SDK1: variants seen among roughly 807,000 people sequenced by gnomAD.
The protein encoded by SDK1 is sidekick cell adhesion molecule 1, also known as protein sidekick-1.
In SDK1, 157 loss-of-function variants were observed where a neutral mutation model predicts 245.5. The observed-to-expected ratio is 0.64, with a 90% CI of 0.56 to 0.73. The LOEUF (loss-of-function observed/expected upper bound fraction) is 0.73, where lower values mean the gene tolerates loss of function less well. Among genes scored for constraint, SDK1 ranks in the 30% least tolerant of loss-of-function variants. The probability of loss-of-function intolerance (pLI) is 0.00; values close to 1 mark genes in which losing one functional copy is unlikely to be tolerated. For synonymous variants in SDK1, 1,647 were observed against 1,278.5 expected (o/e 1.29, Z -6.15); for missense variants, 3,583 against 3,002.3 (o/e 1.19, Z -4.52).
chr7:3,505,587 T>C (rs1286869598), intron 1 of SDK1, among the ~76,000 whole-genome samples: 1 of 152,206 alleles, frequency 6.6e-6, no homozygotes. Flanking sequence ...ACATAAAATA[T>C]AGTATGCTTA....
intron 1 of SDK1, among the ~76,000 whole-genome samples, chr7:3,305,438 C>T (rs974884080): frequency 3.3e-5 from 5 of 152,156 alleles, no homozygotes; most frequent in South Asian, 2.1e-4. Context: ...TTTCTCAGGC[C>T]AATTCCCAGC....
At chr7:3,695,053 C>T (rs553752194) in intron 4 of SDK1, among the ~76,000 whole-genome samples, 37 of 152,160 alleles carry the variant, frequency 2.4e-4, no homozygotes, top group Non-Finnish European at 4.1e-4. Context: ...ATATTAGAGA[C>T]TCTACATATT....
At chr7:3,983,367 C>T (rs755498668) in intron 13 of SDK1, among the ~76,000 whole-genome samples, 6 of 152,090 alleles carry the variant, frequency 3.9e-5, no homozygotes, top group Non-Finnish European at 7.4e-5. Context: ...TGCCACAGTC[C>T]CCCCAGCCTA....
chr7:3,715,968 G>C (rs1416168928), intron 4 of SDK1, among the ~76,000 whole-genome samples: 2 of 152,140 alleles, frequency 1.3e-5, no homozygotes, highest in African/African-American at 4.8e-5. Context: ...AAAAGTGAAA[G>C]TGAGTGAATT....
chr7:4,084,244 TTAAA>T (rs1274865069), intron 22 of SDK1, among the ~76,000 whole-genome samples: 1 of 152,216 alleles, frequency 6.6e-6, no homozygotes, highest in Non-Finnish European at 1.5e-5. Context: ...ACTTCCAATG[TTAAA>T]TAGATTTTTC....
chr7:3,762,929 A>G (rs1310042332), intron 4 of SDK1, among the ~76,000 whole-genome samples: 2 of 152,190 alleles, frequency 1.3e-5, no homozygotes, highest in Admixed American at 6.5e-5. Flanking sequence ...AGTCTACAAC[A>G]TAACTGTGTT....
intron 1 of SDK1, among the ~76,000 whole-genome samples, chr7:3,485,851 T>A (rs1473830061): frequency 6.6e-6 from 1 of 151,930 alleles, no homozygotes; most frequent in African/African-American, 2.4e-5. Context: ...TAAAACATCT[T>A]AGGTTTTTAA....
intron 1 of SDK1, among the ~76,000 whole-genome samples, chr7:3,304,849 T>G (rs1324956979): frequency 2.0e-5 from 3 of 152,232 alleles, no homozygotes; most frequent in African/African-American, 7.2e-5. Flanking sequence ...TTTAAACTTC[T>G]GATGCCTGGA....
rs577025858 is a variant in SDK1 at position 3,664,227 on chromosome 7, T to A, written c.713+22122T>A. Among the ~76,000 whole-genome samples, 3 of 152,230 alleles carry A rather than the reference T, an allele frequency of 2.0e-5. No homozygotes were observed. In the South Asian group the frequency reaches 6.2e-4, roughly 32 times the overall value. ...TGTAAAGCATGAGGCAAGTCAGAGGTGTGCGGAGGAGCTCCGTCACTGGGA... is the reference window on the plus strand; with the variant it reads ...TGTAAAGCATGAGGCAAGTCAGAGGAGTGCGGAGGAGCTCCGTCACTGGGA... On this transcript the variant is annotated intron_variant, in intron 4 of 44. Coordinates refer to ENST00000404826, the MANE Select transcript of SDK1 (RefSeq NM_152744.4).
intron 4 of SDK1, among the ~76,000 whole-genome samples, chr7:3,798,434 G>C (rs1241029328): frequency 6.6e-6 from 1 of 151,950 alleles, no homozygotes; most frequent in South Asian, 2.1e-4. Flanking sequence ...AGCCATGATG[G>C]TCTTGATCTC....
At chr7:4,204,913 G>T (rs569661252) in intron 35 of SDK1, among the ~76,000 whole-genome samples, 76 of 127,350 alleles carry the variant, frequency 6.0e-4, no homozygotes, top group Admixed American at 1.2e-3. Flanking sequence ...CAGGACGGAG[G>T]CGTTCTGGAA....
chr7:3,661,619 C>G (rs538147395), intron 4 of SDK1, among the ~76,000 whole-genome samples: 2 of 152,254 alleles, frequency 1.3e-5, no homozygotes, highest in South Asian at 4.2e-4. Flanking sequence ...AAAACTGTTT[C>G]TAAATTCTTA....
chr7:4,077,630 C>T (rs1019393537), intron 21 of SDK1, among the ~76,000 whole-genome samples: 1 of 152,190 alleles, frequency 6.6e-6, no homozygotes, highest in Non-Finnish European at 1.5e-5. Flanking sequence ...GCCTCACAAT[C>T]ATGGCGGAAG....
At chr7:3,454,005 T>C (rs1035128798) in intron 1 of SDK1, among the ~76,000 whole-genome samples, 7 of 152,212 alleles carry the variant, frequency 4.6e-5, no homozygotes, top group Non-Finnish European at 8.8e-5. Context: ...GTTTTAGGAA[T>C]TAGAAGTTAT....
At chr7:4,052,171 C>T (rs1443402598) in intron 19 of SDK1, among the ~76,000 whole-genome samples, 1 of 73,896 alleles carries the variant, frequency 1.4e-5, no homozygotes, top group African/African-American at 3.0e-4. Flanking sequence ...TCCATGATCC[C>T]CCCCCCCCCG....
Position 3,846,253 on chromosome 7 carries a change from T to C in SDK1, c.847+24670T>C, listed in dbSNP as rs192191602. Among the ~76,000 whole-genome samples the C allele has an allele frequency of 3.9e-5, 6 of 152,356 alleles. No homozygotes were observed. In the South Asian group the frequency reaches 1.0e-3, roughly 26 times the overall value. ...ATGTGCTGGCATATCCTTTTGGGTATGCAGTTAATATACTGTTTAAAGGGA... is the reference window on the plus strand; with the variant it reads ...ATGTGCTGGCATATCCTTTTGGGTACGCAGTTAATATACTGTTTAAAGGGA... On this transcript the variant is annotated intron_variant, in intron 5 of 44. Coordinates refer to ENST00000404826, the MANE Select transcript of SDK1 (RefSeq NM_152744.4).
chr7:3,938,657 AAAAG>A (rs1314150486), intron 5 of SDK1, among the ~76,000 whole-genome samples: 4 of 151,884 alleles, frequency 2.6e-5, no homozygotes, highest in South Asian at 2.1e-4. Flanking sequence ...AAAAAAAAAA[AAAAG>A]AGATCCTCAG....
intron 4 of SDK1, among the ~76,000 whole-genome samples, chr7:3,652,951 G>A (rs115358497): frequency 1.5e-4 from 23 of 152,310 alleles, no homozygotes; most frequent in African/African-American, 5.0e-4. Flanking sequence ...CTATTGACTG[G>A]AAGAATAATT....
intron 4 of SDK1, among the ~76,000 whole-genome samples, chr7:3,701,924 C>CAAAAAAAAAAAAAAAAAAAAAAAAAAAA (rs58687135): frequency 1.2e-5 from 1 of 85,682 alleles, no homozygotes; most frequent in Non-Finnish European, 2.5e-5. Flanking sequence ...CGTGCATAAG[C>CAAAAAAAAAAAAAAAAAAAAAAAAAAAA]AAAAAAAAAA....
Sources: gnomAD v4.1 joint callset for allele counts (sites outside exome capture counted in the v4.1 genomes callset) on GRCh38, gnomAD v4.1.1 for gene constraint, MANE v1.5 for transcripts, NCBI Gene and HGNC (gene_info 2026-07-23, HGNC 2026-07-21) for gene names.